Variants in MED1 observed in about 807,000 individuals in gnomAD.
MED1 encodes the protein mediator complex subunit 1.
MED1 carries 17 observed loss-of-function variants against 121.3 expected under a neutral mutation model. That is an observed-to-expected ratio of 0.14 (90% confidence interval 0.10 to 0.21). The LOEUF is 0.21. Ranked by LOEUF, MED1 falls within the 10% of genes least tolerant of loss-of-function variation. MED1 has a pLI of 1.00. For synonymous variants in MED1, 661 were observed against 694.4 expected, an observed-to-expected ratio of 0.95 and a Z score of 0.76; for missense variants, 1,558 against 1,919.4, an observed-to-expected ratio of 0.81 and a Z score of 3.52.
Position 39,407,383 on chromosome 17 carries a change from A to C in MED1, c.*92T>G. On this transcript the variant is annotated 3_prime_UTR_variant, in exon 17 of 17. Coordinates refer to ENST00000300651, the MANE Select transcript of MED1 (RefSeq NM_004774.4). Reference sequence around the variant, plus strand: ...CATTTAGGATTCTTAACCAAATCAGACCTGTCTGACTCACCCCTTATGGTG... The same window carrying C: ...CATTTAGGATTCTTAACCAAATCAGCCCTGTCTGACTCACCCCTTATGGTG... The C allele has an allele frequency of 6.8e-7, 1 of 1,463,082 alleles. No individual in the cohort carries two copies. The highest frequency in any genetic ancestry group is 9.0e-7 in the Non-Finnish European group (1 of 1,109,584). 90.6% of individuals were successfully genotyped at this position (1,463,082 alleles called of 1,614,324 possible). A position where few individuals can be genotyped will look rare whatever the true frequency, so the allele number is the denominator to read the frequency against.
At chr17:39,439,660 C>T (rs1185405266) in intron 5 of MED1, among the ~76,000 whole-genome samples, 3 of 151,964 alleles carry the variant, frequency 2.0e-5, no homozygotes, top group Non-Finnish European at 4.4e-5. Flanking sequence ...GGGTTCCTGC[C>T]GGTGCAGTGG....
In MED1 at chr17:39,431,196, A is replaced by G; in HGVS notation, c.576-8T>C. The stretch of plus-strand genomic sequence containing the variant: ...CCAGCATTAGTTGCTTTCCTGTAAG[A>G]CAAGTGATCTATGTTTGCTTATATT... On this transcript the variant is annotated splice_region_variant and splice_polypyrimidine_tract_variant and intron_variant, in intron 8 of 16. Coordinates refer to ENST00000300651, the MANE Select transcript of MED1 (RefSeq NM_004774.4). 6.2e-7 allele frequency: 1 copy of G among 1,603,514 alleles called. No individual in the cohort carries two copies. The highest frequency in any genetic ancestry group is 2.2e-5 in the East Asian group (1 of 44,824).
At chr17:39,413,322 G>A (rs1033883867) in intron 16 of MED1, among the ~76,000 whole-genome samples, 1 of 152,136 alleles carries the variant, frequency 6.6e-6, no homozygotes, top group African/African-American at 2.4e-5. Context: ...AAGAACAGTG[G>A]CGCAATCTTG....
intron 7 of MED1, among the ~76,000 whole-genome samples, chr17:39,433,067 G>A (rs1597867694): frequency 6.6e-6 from 1 of 152,092 alleles, no homozygotes; most frequent in African/African-American, 2.4e-5. Flanking sequence ...AGCCAGGTCA[G>A]TGGTGGGCGC....
chr17:39,448,708 G>C (rs767196583), intron 1 of MED1, among the ~76,000 whole-genome samples: 2 of 151,998 alleles, frequency 1.3e-5, no homozygotes, highest in Non-Finnish European at 2.9e-5. Context: ...TTGGGAATTC[G>C]AGACCAGCCT....
In MED1 at chr17:39,426,132, G is replaced by C. The variant is rs115461976; in HGVS notation, c.740-1394C>G. Among the ~76,000 whole-genome samples the C allele has an allele frequency of 5.8e-3, 881 of 151,792 alleles. 11 individuals are homozygous for C. Among genetic ancestry groups the C allele is most frequent in the African/African-American group, 0.021 (853 of 41,388 alleles). The stretch of plus-strand genomic sequence containing the variant: ...TGGGCAACACAGTGAGACCTACCCC[G>C]TCCCCCATGCCAAATTATAATAACA... On this transcript the variant is annotated intron_variant, in intron 10 of 16. Transcript: ENST00000300651.
intron 6 of MED1, among the ~76,000 whole-genome samples, chr17:39,438,196 G>T (rs1467101076): frequency 6.6e-6 from 1 of 151,298 alleles, no homozygotes; most frequent in Non-Finnish European, 1.5e-5. Context: ...TTCTGAGATG[G>T]AGTCTTGCTC....
chr17:39,443,769 G>A (rs1368415143), intron 2 of MED1, 141 bp from the exon 3 acceptor site: 1 of 633,752 alleles, frequency 1.6e-6, no homozygotes, highest in Non-Finnish European at 2.8e-6. Flanking sequence ...AGACTATATA[G>A]AGTAACACTG....
intron 16 of MED1, among the ~76,000 whole-genome samples, chr17:39,413,744 A>G (rs1184424369): frequency 6.6e-6 from 1 of 152,082 alleles, no homozygotes; most frequent in East Asian, 1.9e-4. Context: ...CAAAATAAAA[A>G]AATAAAAGAA....
At chr17:39,443,450 T>G in intron 3 of MED1, 100 bp downstream of exon 3, 1 of 936,860 alleles carries the variant, frequency 1.1e-6, no homozygotes. Flanking sequence ...ATACATAAAG[T>G]TGACCTACCT....
rs192733744 is a variant in MED1, at chr17:39,411,737, C to T, written c.1500-1016G>A. 8.1e-3 allele frequency among the ~76,000 whole-genome samples: 1,236 copies of T among 152,086 alleles called. 15 individuals carry two copies. Among genetic ancestry groups the T allele is most frequent in the African/African-American group, 0.028 (1,178 of 41,464 alleles). The stretch of plus-strand genomic sequence containing the variant: ...AATCTCCGCCGGTCAGAGTGGCTCA[C>T]GCCTGTAATCCCAGCACTTTGGGAG... On this transcript the variant is annotated intron_variant, in intron 16 of 16. Transcript: ENST00000300651.
At chr17:39,421,965 A>G (rs958397996) in intron 13 of MED1, among the ~76,000 whole-genome samples, 1 of 150,758 alleles carries the variant, frequency 6.6e-6, no homozygotes, top group Non-Finnish European at 1.5e-5. Flanking sequence ...CGTCTCTACT[A>G]AAAATACAAA....
chr17:39,423,242 G>T, intron 13 of MED1, 85 bp downstream of exon 13: 2 of 982,168 alleles, frequency 2.0e-6, no homozygotes, highest in South Asian at 1.4e-5. Flanking sequence ...AAACTTATCT[G>T]ACCTCAATAA....
At chr17:39,442,215 T>C (rs577279886) in intron 3 of MED1, among the ~76,000 whole-genome samples, 1 of 152,026 alleles carries the variant, frequency 6.6e-6, no homozygotes, top group Admixed American at 6.6e-5. Context: ...ATTATAAGCA[T>C]GAATAATCAA....
chr17:39,423,342 G>A lies in MED1; in HGVS notation c.1080C>T (p.Asn360=). ...CTTTACTTACAGCATAAAATCTCATGTTGTGATTCAAAGGTATGGGGTCAG... is the reference window on the plus strand; with the variant it reads ...CTTTACTTACAGCATAAAATCTCATATTGTGATTCAAAGGTATGGGGTCAG... ...KDPDPIPLNH[N]MRFYAALPGQ... is the part of the protein sequence containing the mutation. The change falls in exon 13 of 17, where the codon AAC becomes AAT. Residue 360 remains asparagine, a synonymous_variant. Coordinates refer to ENST00000300651, the MANE Select transcript of MED1 (RefSeq NM_004774.4). The A allele has an allele frequency of 6.2e-7, 1 of 1,606,248 alleles. No homozygotes were observed. Among genetic ancestry groups the A allele is most frequent in the South Asian group, 1.1e-5 (1 of 90,896 alleles).
chr17:39,436,467 C>T lies in MED1; in HGVS notation c.429-2147G>A, dbSNP rs147513866. On this transcript the variant is annotated intron_variant, in intron 6 of 16. Transcript: ENST00000300651. The stretch of plus-strand genomic sequence containing the variant: ...ATCCTCATGTGGTGCCTGAGAACTT[C>T]GCAATGCTCAAAACAAAGTGTATGT... Among the ~76,000 whole-genome samples the T allele has an allele frequency of 1.6e-4, 24 of 151,768 alleles. No individual in the cohort carries two copies. In the East Asian group the frequency reaches 3.9e-3, roughly 25 times the overall value.
At chr17:39,419,596 A>T in intron 14 of MED1, 121 bp downstream of exon 14, 1 of 964,000 alleles carries the variant, frequency 1.0e-6, no homozygotes, top group South Asian at 1.7e-5. Flanking sequence ...TTTATGCCAA[A>T]TATGAAAAAA....
intron 1 of MED1, among the ~76,000 whole-genome samples, chr17:39,448,708 G>A (rs767196583): frequency 6.6e-6 from 1 of 151,998 alleles, no homozygotes; most frequent in South Asian, 2.1e-4. Flanking sequence ...TTGGGAATTC[G>A]AGACCAGCCT....
At chr17:39,415,455 C>G in intron 14 of MED1, 116 bp from the exon 15 acceptor site, 1 of 813,436 alleles carries the variant, frequency 1.2e-6, no homozygotes, top group Non-Finnish European at 1.9e-6. Flanking sequence ...AGGTGGATTA[C>G]CTGAGGTCAG....
Sources: allele counts gnomAD v4.1 joint callset (sites outside exome capture counted in the v4.1 genomes callset), GRCh38; gene constraint gnomAD v4.1.1; transcripts MANE v1.5; gene names NCBI Gene and HGNC (gene_info 2026-07-23, HGNC 2026-07-21).